Variants in ARHGEF10 observed in about 807,000 individuals in gnomAD.
ARHGEF10 encodes Rho guanine nucleotide exchange factor (GEF) 10.
ARHGEF10 carries 140 observed loss-of-function variants against 147.4 expected under a neutral mutation model. The observed-to-expected ratio is 0.95, with a 90% CI of 0.83 to 1.09. The LOEUF (loss-of-function observed/expected upper bound fraction) is 1.09, where lower values mean the gene tolerates loss of function less well. Among genes scored for constraint, ARHGEF10 ranks in the 50% least tolerant of loss-of-function variants. The pLI, the probability that ARHGEF10 is intolerant of heterozygous loss-of-function variation, is 0.00. For missense variants in ARHGEF10, 2,222 were observed against 1,752.7 expected (o/e 1.27, Z -4.78); for synonymous variants, 902 against 695.8 (o/e 1.30, Z -4.67).
rs1814864598 is a variant in ARHGEF10 at position 1,949,587 on chromosome 8, G to T, written c.3398-3118G>T. On this transcript the variant is annotated intron_variant, in intron 27 of 28. Transcript: ENST00000349830. ...AAAGTGCTGAGACACATGGTAAATT[G>T]CGCCTTTCTGAGTCTCCACCGAGCG... is the stretch of plus-strand genomic sequence containing the variant. Among the ~76,000 whole-genome samples, 3 of 152,098 alleles carry T rather than the reference G, an allele frequency of 2.0e-5. No individual in the cohort carries two copies. In the South Asian group the frequency reaches 6.2e-4, roughly 32 times the overall value.
chr8:1,893,744 A>T (rs1376561173), intron 12 of ARHGEF10, 98 bp downstream of exon 12: 2 of 1,034,358 alleles, frequency 1.9e-6, no homozygotes, highest in Non-Finnish European at 3.0e-6. Context: ...ATGTTTATGA[A>T]ACATAACATG....
intron 18 of ARHGEF10, among the ~76,000 whole-genome samples, chr8:1,912,744 C>T (rs1351325512): frequency 4.6e-5 from 7 of 152,080 alleles, no homozygotes; most frequent in African/African-American, 1.2e-4. Context: ...TGAAAAATGT[C>T]GTGTCCCCTA....
In ARHGEF10 at chr8:1,916,245, G is replaced by C. The variant is rs1212064779; in HGVS notation, c.2144-6719G>C. Among the ~76,000 whole-genome samples, 5 of 152,160 alleles carry C rather than the reference G, an allele frequency of 3.3e-5. No homozygotes were observed. The South Asian group carries it at 1.0e-3, about 32-fold the overall frequency. On this transcript the variant is annotated intron_variant, in intron 18 of 28. Transcript: ENST00000349830. ...GCCACGGAAAGGTGCGCATGCAGGA[G>C]GGCCTGTGGACGGGGTCCTATCTCT...
intron 4 of ARHGEF10, among the ~76,000 whole-genome samples, chr8:1,862,458 G>A (rs1410148241): frequency 6.6e-6 from 1 of 152,266 alleles, no homozygotes; most frequent in Non-Finnish European, 1.5e-5. Flanking sequence ...AAGCCTCTGG[G>A]TGCGCTGCTG....
chr8:1,916,538 T>A (rs773472613), intron 18 of ARHGEF10, among the ~76,000 whole-genome samples: 58 of 152,308 alleles, frequency 3.8e-4, no homozygotes, highest in Non-Finnish European at 7.1e-4. Context: ...GTGCTGTGGT[T>A]TCAGCTTTGC....
At chr8:1,882,505 C>T (rs985670777) in intron 9 of ARHGEF10, 130 bp from the exon 10 acceptor site, 11 of 817,662 alleles carry the variant, frequency 1.3e-5, no homozygotes, top group South Asian at 2.9e-5. Flanking sequence ...AAAACCTAGC[C>T]CAGAACTGCA....
At chr8:1,920,977 G>C (rs902409921) in intron 18 of ARHGEF10, among the ~76,000 whole-genome samples, 12 of 151,972 alleles carry the variant, frequency 7.9e-5, no homozygotes, top group African/African-American at 2.9e-4. Context: ...GTAGAGACGG[G>C]GTTTCTCCAT....
rs1236856290 is a variant in ARHGEF10 at position 1,889,811 on chromosome 8, G to C, written c.1183-3758G>C. On this transcript the variant is annotated intron_variant, in intron 11 of 28. Transcript: ENST00000349830. ...AGGGTTGTGAGCAGACACTTCATGGGAGGAGGGTTTGTGAGAAGACACTAG... is the reference window on the plus strand; with the variant it reads ...AGGGTTGTGAGCAGACACTTCATGGCAGGAGGGTTTGTGAGAAGACACTAG... 1.5e-4 allele frequency among the ~76,000 whole-genome samples: 21 copies of C among 139,436 alleles called. 3 individuals carry two copies. The highest frequency in any genetic ancestry group is 5.7e-4 in the African/African-American group (20 of 35,352). 91.5% of individuals were successfully genotyped at this position (139,436 alleles called of 152,430 possible). A position where few individuals can be genotyped will look rare whatever the true frequency, so the allele number is the denominator to read the frequency against.
chr8:1,889,227 G>GGT (rs1390289043), intron 11 of ARHGEF10, among the ~76,000 whole-genome samples: 2 of 112,004 alleles, frequency 1.8e-5, no homozygotes, highest in African/African-American at 3.7e-5. Flanking sequence ...TGGGGTGAGG[G>GGT]TTGTGAGGAG....
intron 11 of ARHGEF10, among the ~76,000 whole-genome samples, chr8:1,891,451 C>T (rs112530862): frequency 1.1e-4 from 17 of 152,244 alleles, no homozygotes; most frequent in African/African-American, 2.4e-4. Flanking sequence ...AAAGAAGGGT[C>T]GTTCTTTACT....
chr8:1,890,284 G>A (rs1276628419), intron 11 of ARHGEF10, among the ~76,000 whole-genome samples: 3 of 150,774 alleles, frequency 2.0e-5, no homozygotes, highest in Non-Finnish European at 4.4e-5. Context: ...ATTGAGTGGG[G>A]TGAGGGTTCT....
At chr8:1,859,812 C>G in intron 3 of ARHGEF10, 85 bp from the exon 4 acceptor site, 2 of 1,530,562 alleles carry the variant, frequency 1.3e-6, no homozygotes, top group African/African-American at 1.4e-5. Context: ...GGAGCTCATA[C>G]CTGCTTCCCA....
chr8:1,901,783 C>G (rs929616465), intron 15 of ARHGEF10, among the ~76,000 whole-genome samples: 1 of 152,012 alleles, frequency 6.6e-6, no homozygotes, highest in African/African-American at 2.4e-5. Flanking sequence ...TCTTTTTTGC[C>G]TTGATAGAAT....
At chr8:1,913,614 C>T (rs1004650624) in intron 18 of ARHGEF10, among the ~76,000 whole-genome samples, 5 of 152,184 alleles carry the variant, frequency 3.3e-5, no homozygotes, top group African/African-American at 1.2e-4. Context: ...GGTCCAATAC[C>T]AGCGTCCCGT....
chr8:1,866,680 G>A (rs989272110), intron 6 of ARHGEF10, 78 bp downstream of exon 6: 1 of 1,288,986 alleles, frequency 7.8e-7, no homozygotes, highest in Non-Finnish European at 1.1e-6. Context: ...GGGTCCCTGA[G>A]TCTCAGGTCC....
rs577362661 is a variant in ARHGEF10 at position 1,952,558 on chromosome 8, C to T, written c.3398-147C>T. On this transcript the variant is annotated intron_variant, in intron 27 of 28. Coordinates refer to ENST00000349830, the MANE Select transcript of ARHGEF10 (RefSeq NM_014629.4). ...CATGTGGTTGAGGGAGCCTGGTGCTCGGGTTTGGGAACTCCTGTGCCACAT... is the reference window on the plus strand; with the variant it reads ...CATGTGGTTGAGGGAGCCTGGTGCTTGGGTTTGGGAACTCCTGTGCCACAT... 46 of 1,049,386 alleles carry T rather than the reference C, an allele frequency of 4.4e-5. No homozygotes were observed. The Middle Eastern group carries it at 9.1e-4, about 21-fold the overall frequency. The allele number at this position is 1,049,386 out of a possible 1,614,324, so 65.0% of individuals were successfully genotyped here.
intron 2 of ARHGEF10, among the ~76,000 whole-genome samples, chr8:1,856,551 G>A (rs1477823914): frequency 3.9e-5 from 6 of 152,218 alleles, no homozygotes; most frequent in African/African-American, 1.4e-4. Context: ...GAGTTCCCCG[G>A]GAGGCGACTT....
intron 15 of ARHGEF10, among the ~76,000 whole-genome samples, chr8:1,902,688 C>T (rs1001719410): frequency 2.0e-5 from 3 of 152,070 alleles, no homozygotes; most frequent in East Asian, 1.9e-4. Context: ...CGGCCACAGT[C>T]GCAGGAGGGC....
Position 1,879,908 on chromosome 8 carries a change from G to A in ARHGEF10, c.844-140G>A, listed in dbSNP as rs149030968. On this transcript the variant is annotated intron_variant, in intron 8 of 28. Transcript: ENST00000349830. ...AACTGGGCTAGTAATGGGGACTCTC[G>A]CGTGTGGTCCCAGAAGCCCCCAGCC... The A allele has an allele frequency of 1.2e-3, 929 of 749,118 alleles. 9 individuals carry two copies. In the African/African-American group the frequency reaches 0.014, roughly 11 times the overall value. The allele number at this position is 749,118 out of a possible 1,614,324, so 46.4% of individuals were successfully genotyped here.
Sources: allele counts gnomAD v4.1 joint callset (sites outside exome capture counted in the v4.1 genomes callset), GRCh38; gene constraint gnomAD v4.1.1; transcripts MANE v1.5; gene names NCBI Gene and HGNC (gene_info 2026-07-23, HGNC 2026-07-21).